DORIP1: variants seen among roughly 807,000 people sequenced by gnomAD.
DORIP1 encodes dopamine receptor-interacting protein 1.
At chr14:44,899,017 C>T in the DORIP1 span, 1 of 152,190 alleles carries the variant, frequency 6.6e-6, no homozygotes, top group Non-Finnish European at 1.5e-5. Flanking sequence ...ACTCATTTCT[C>T]TGTTTCCACT....
At chr14:44,900,853 A>T in the DORIP1 span, 4 of 1,614,122 alleles carry the variant, frequency 2.5e-6, no homozygotes, top group Non-Finnish European at 3.4e-6. Flanking sequence ...TGATAATTTT[A>T]CAAAAAATCT....
chr14:44,903,454 T>C, the DORIP1 span: 11 of 1,366,230 alleles, frequency 8.1e-6, no homozygotes, highest in Non-Finnish European at 1.0e-5. Flanking sequence ...ACATAGAATA[T>C]GGTACTACAG....
chr14:44,900,520 TG>T, the DORIP1 span: 38 of 1,598,596 alleles, frequency 2.4e-5, no homozygotes, highest in Admixed American at 5.4e-5. Context: ...TGTTCTTCCT[TG>T]GGGGGGTGTT....
At chr14:44,905,415 T>C in the DORIP1 span, 2 of 1,566,168 alleles carry the variant, frequency 1.3e-6, no homozygotes, top group Non-Finnish European at 1.7e-6. Context: ...AACATCATTA[T>C]TCTGCAGCTT....
the DORIP1 span, chr14:44,904,358 C>CGA: frequency 1.3e-6 from 2 of 1,581,866 alleles, no homozygotes; most frequent in East Asian, 4.5e-5. Flanking sequence ...AGCTTTGTCC[C>CGA]AAGTGTAATA....
chr14:44,905,925 A>T, the DORIP1 span: 1 of 152,938 alleles, frequency 6.5e-6, no homozygotes, highest in Non-Finnish European at 1.5e-5. Context: ...AAACCTAGGT[A>T]AAAGTATTTT....
At chr14:44,902,893 T>C in the DORIP1 span, among the ~76,000 whole-genome samples, 6 of 152,210 alleles carry the variant, frequency 3.9e-5, no homozygotes, top group Non-Finnish European at 5.9e-5. Context: ...CTCCTCTGAT[T>C]CTGGGTCCTA....
the DORIP1 span, chr14:44,905,490 TA>T: frequency 2.6e-6 from 4 of 1,562,542 alleles, no homozygotes; most frequent in Non-Finnish European, 3.5e-6. Context: ...TTTTGTTAAA[TA>T]AACCCCCAGA....
the DORIP1 span, chr14:44,903,125 G>A: frequency 1.0e-6 from 1 of 976,464 alleles, no homozygotes; most frequent in East Asian, 2.5e-5. Flanking sequence ...GCTAATAAAG[G>A]ACTGAGCTGT....
chr14:44,903,204 T>C, the DORIP1 span: 4 of 1,596,844 alleles, frequency 2.5e-6, no homozygotes, highest in Admixed American at 5.0e-5. Context: ...ATAATTATTA[T>C]AGTCCTCCCC....
chr14:44,900,740 C>A, the DORIP1 span: 1 of 1,613,880 alleles, frequency 6.2e-7, no homozygotes, highest in Non-Finnish European at 8.5e-7. Flanking sequence ...TACAGTTTTA[C>A]AACTGTGAAG....
At chr14:44,907,163 T>A in the DORIP1 span, 1 of 152,632 alleles carries the variant, frequency 6.6e-6, no homozygotes, top group Non-Finnish European at 1.5e-5. Context: ...CTTACCTACC[T>A]CACAGGGTTG....
At chr14:44,900,492 T>C in the DORIP1 span, 3 of 1,573,978 alleles carry the variant, frequency 1.9e-6, no homozygotes, top group Admixed American at 2.1e-5. Context: ...ATAACCAAGA[T>C]CGATCATTTT....
At chr14:44,897,459 CAT>C in the DORIP1 span, 2 of 212,176 alleles carry the variant, frequency 9.4e-6, no homozygotes, top group East Asian at 1.6e-4. Flanking sequence ...CGGCGGTACT[CAT>C]AGATGAGGCA....
the DORIP1 span, chr14:44,899,358 G>C: frequency 1.3e-5 from 2 of 152,144 alleles, no homozygotes; most frequent in Non-Finnish European, 1.5e-5. Context: ...ATCAAGTTCT[G>C]AATCAGATCT....
chr14:44,905,458 G>A, the DORIP1 span: 1 of 1,574,574 alleles, frequency 6.4e-7, no homozygotes, highest in Non-Finnish European at 8.7e-7. Context: ...GCACTATGAT[G>A]GGCTCAGAAA....
At chr14:44,906,603 G>A in the DORIP1 span, 2 of 152,404 alleles carry the variant, frequency 1.3e-5, no homozygotes, top group African/African-American at 4.8e-5. Flanking sequence ...AAGACCCTAA[G>A]GTCACTCTTC....
chr14:44,905,533 C>T, the DORIP1 span: 32 of 1,512,632 alleles, frequency 2.1e-5, no homozygotes, highest in African/African-American at 5.5e-5. Flanking sequence ...GGTTTATATT[C>T]GAGCAACAGA....
the DORIP1 span, chr14:44,905,636 A>G: frequency 2.1e-6 from 2 of 975,084 alleles, no homozygotes; most frequent in Non-Finnish European, 2.9e-6. Context: ...CTTGGTATCC[A>G]AGAAAATAGT....
Sources: allele counts gnomAD v4.1 joint callset (sites outside exome capture counted in the v4.1 genomes callset), GRCh38; gene constraint gnomAD v4.1.1; transcripts MANE v1.5; gene names NCBI Gene and HGNC (gene_info 2026-07-23, HGNC 2026-07-21).